SPHKAP: variants seen among roughly 807,000 people sequenced by gnomAD.
SPHKAP encodes A-kinase anchor protein SPHKAP.
In SPHKAP, 67 loss-of-function variants were observed where a neutral mutation model predicts 137.5. The observed-to-expected ratio is 0.49, with a 90% confidence interval of 0.40 to 0.60. SPHKAP has a LOEUF of 0.60. Ranked by LOEUF, SPHKAP falls within the 20% of genes least tolerant of loss-of-function variation. SPHKAP has a pLI of 0.00. For synonymous variants in SPHKAP, 813 were observed against 785.3 expected (o/e 1.04, Z -0.59); for missense variants, 2,097 against 2,069.3 (o/e 1.01, Z -0.26).
chr2:228,020,862 C>T (rs753171650), intron 6 of SPHKAP, among the ~76,000 whole-genome samples: 2 of 152,048 alleles, frequency 1.3e-5, no homozygotes, highest in Non-Finnish European at 2.9e-5. Context: ...AATGGCTTTC[C>T]ATATGGGATA....
At chr2:228,133,359 C>T (rs1046187111) in intron 1 of SPHKAP, among the ~76,000 whole-genome samples, 3 of 151,212 alleles carry the variant, frequency 2.0e-5, no homozygotes, top group Non-Finnish European at 4.4e-5. Context: ...ATTACTTCTA[C>T]ATTTTCAACA....
intron 3 of SPHKAP, among the ~76,000 whole-genome samples, chr2:228,062,616 T>A (rs796483458): frequency 7.3e-5 from 11 of 150,616 alleles, no homozygotes; most frequent in South Asian, 2.1e-4. Context: ...AAAAAAAAAA[T>A]AAAATGCCAA....
intron 1 of SPHKAP, among the ~76,000 whole-genome samples, chr2:228,159,063 G>C (rs972135451): frequency 1.4e-4 from 21 of 152,138 alleles, no homozygotes; most frequent in African/African-American, 5.1e-4. Context: ...GGCGGTGATG[G>C]AGTCAGGGTT....
At chr2:228,124,393 C>T (rs1237910727) in intron 2 of SPHKAP, among the ~76,000 whole-genome samples, 3 of 151,962 alleles carry the variant, frequency 2.0e-5, no homozygotes, top group Non-Finnish European at 4.4e-5. Context: ...CCATGGAATA[C>T]TATGCAGCCA....
At chr2:228,151,620 C>T (rs1307676359) in intron 1 of SPHKAP, among the ~76,000 whole-genome samples, 2 of 152,014 alleles carry the variant, frequency 1.3e-5, no homozygotes, top group East Asian at 3.9e-4. Flanking sequence ...TTAATGATCG[C>T]CATTCTAACT....
rs769512521 is a variant in SPHKAP, at chr2:228,016,916, G to C, written c.3938C>G (p.Ser1313Cys). Reference protein sequence around the residue: ...NMLIHETWASSIEALMRKNKI... With the variant: ...NMLIHETWASCIEALMRKNKI... ...GTTCTTGCGCATGAGAGCCTCAATGGAGCTAGCCCACGTTTCATGAATTAA... is the reference window on the plus strand; with the variant it reads ...GTTCTTGCGCATGAGAGCCTCAATGCAGCTAGCCCACGTTTCATGAATTAA... The change falls in exon 7 of 12, where the codon TCC becomes TGC. Residue 1313 changes from serine (S) to cysteine (C), a missense_variant. Physicochemically the swap from Ser to Cys is moderately radical, Grantham distance 112. Transcript: ENST00000392056. The C allele has an allele frequency of 1.9e-6, 3 of 1,614,064 alleles. No homozygotes were observed. Among genetic ancestry groups the C allele is most frequent in the Non-Finnish European group, 2.5e-6 (3 of 1,180,018 alleles).
chr2:228,034,820 A>G (rs1695518467), intron 3 of SPHKAP, among the ~76,000 whole-genome samples: 1 of 152,252 alleles, frequency 6.6e-6, no homozygotes, highest in African/African-American at 2.4e-5. Flanking sequence ...GCTTTCGACA[A>G]AATTCAACAA....
At chr2:228,118,702 T>C (rs1467016237) in intron 2 of SPHKAP, among the ~76,000 whole-genome samples, 1 of 152,176 alleles carries the variant, frequency 6.6e-6, no homozygotes, top group Non-Finnish European at 1.5e-5. Context: ...TCAAAAGTAT[T>C]AGTTAGACTC....
At chr2:228,140,803 C>T (rs1029064581) in intron 1 of SPHKAP, among the ~76,000 whole-genome samples, 13 of 151,908 alleles carry the variant, frequency 8.6e-5, no homozygotes, top group African/African-American at 2.4e-4. Flanking sequence ...GTGGATGACA[C>T]CCCCCTCTCG....
At chr2:228,103,566 TG>T (rs1404787490) in intron 3 of SPHKAP, among the ~76,000 whole-genome samples, 1 of 152,194 alleles carries the variant, frequency 6.6e-6, no homozygotes, top group Non-Finnish European at 1.5e-5. Context: ...TGGTGGGGGC[TG>T]GGAGCTGCCT....
intron 3 of SPHKAP, among the ~76,000 whole-genome samples, chr2:228,042,644 C>T (rs1006722601): frequency 4.6e-5 from 7 of 151,900 alleles, no homozygotes; most frequent in African/African-American, 7.3e-5. Flanking sequence ...TATAAAGAAC[C>T]GTCATTTCTG....
At chr2:228,061,128 G>A (rs771384016) in intron 3 of SPHKAP, among the ~76,000 whole-genome samples, 4 of 152,204 alleles carry the variant, frequency 2.6e-5, no homozygotes, top group Non-Finnish European at 4.4e-5. Context: ...CCACAGCATA[G>A]CATAGGAATT....
intron 5 of SPHKAP, among the ~76,000 whole-genome samples, chr2:228,022,508 T>A (rs1280836410): frequency 1.3e-5 from 2 of 152,154 alleles, no homozygotes; most frequent in Non-Finnish European, 2.9e-5. Flanking sequence ...CATGCTCCCA[T>A]AAAGACTGGG....
intron 3 of SPHKAP, among the ~76,000 whole-genome samples, chr2:228,050,954 C>T (rs1696233844): frequency 6.6e-6 from 1 of 152,034 alleles, no homozygotes; most frequent in Admixed American, 6.6e-5. Flanking sequence ...CTACAGGTGC[C>T]ACCAACACAC....
chr2:228,160,228 G>A (rs1040395505), intron 1 of SPHKAP, among the ~76,000 whole-genome samples: 1 of 152,148 alleles, frequency 6.6e-6, no homozygotes, highest in East Asian at 1.9e-4. Context: ...CAATTTAAAT[G>A]TTCTTTAGCT....
intron 3 of SPHKAP, among the ~76,000 whole-genome samples, chr2:228,098,788 A>C (rs1327553159): frequency 4.1e-5 from 6 of 145,794 alleles, no homozygotes; most frequent in Non-Finnish European, 7.5e-5. Context: ...GTGTCTGTTC[A>C]TGGCCTTTGC....
Position 228,016,679 on chromosome 2 carries a change from G to C in SPHKAP, c.4175C>G (p.Ser1392Cys). 2.5e-6 allele frequency: 4 copies of C among 1,614,118 alleles called. No individual in the cohort carries two copies. The highest frequency in any genetic ancestry group is 2.5e-6 in the Non-Finnish European group (3 of 1,180,030). The change falls in exon 7 of 12, where the codon TCT becomes TGT. Residue 1392 changes from serine to cysteine, a missense_variant. Physicochemically the swap from Ser to Cys is moderately radical, Grantham distance 112. Coordinates refer to ENST00000392056, the MANE Select transcript of SPHKAP (RefSeq NM_001142644.2). ...PPVSSLSKTA[S>C]LTNHSPLDSK... Reference sequence around the variant, plus strand: ...ATCTAAAGGGCTGTGGTTTGTAAGAGAAGCAGTTTTGCTCAAAGATGACAC... The same window carrying C: ...ATCTAAAGGGCTGTGGTTTGTAAGACAAGCAGTTTTGCTCAAAGATGACAC...
At chr2:228,116,139 A>G in intron 2 of SPHKAP, among the ~76,000 whole-genome samples, 2 of 152,180 alleles carry the variant, frequency 1.3e-5, no homozygotes, top group East Asian at 3.9e-4. Flanking sequence ...ATTTTGTGAT[A>G]GCAGCTCTGA....
chr2:228,133,885 G>T (rs34956525), intron 1 of SPHKAP, among the ~76,000 whole-genome samples: 13,876 of 152,108 alleles, frequency 0.091, 804 homozygotes, highest in Middle Eastern at 0.13. Context: ...GGCAAAATCT[G>T]CACAGAGTAA....
Sources: allele counts gnomAD v4.1 joint callset (sites outside exome capture counted in the v4.1 genomes callset), GRCh38; gene constraint gnomAD v4.1.1; transcripts MANE v1.5; gene names NCBI Gene and HGNC (gene_info 2026-07-23, HGNC 2026-07-21).